The following COL13A1 variants were observed in gnomAD, a reference collection of about 807,000 sequenced individuals.
COL13A1 encodes collagen type XIII alpha 1 chain, also known as collagen alpha-1(XIII) chain.
COL13A1 carries 89 observed loss-of-function variants against 130.9 expected under a neutral mutation model. The observed-to-expected ratio is 0.68, with a 90% CI of 0.57 to 0.81. The LOEUF is 0.81. COL13A1 is among the 30% of genes least tolerant of loss of function. The probability of loss-of-function intolerance (pLI) is 0.00; values close to 1 mark genes in which losing one functional copy is unlikely to be tolerated. For synonymous variants in COL13A1, 402 were observed against 341.6 expected (o/e 1.18, Z -1.95); for missense variants, 879 against 934.6 (o/e 0.94, Z 0.78).
intron 34 of COL13A1, among the ~76,000 whole-genome samples, chr10:69,938,130 C>A (rs547427386): frequency 1.3e-5 from 2 of 152,330 alleles, no homozygotes; most frequent in South Asian, 2.1e-4. Context: ...CTTGCTCCCC[C>A]CTCTTAAGCA....
chr10:69,943,324 ACTC>A (rs2067938166), intron 35 of COL13A1, among the ~76,000 whole-genome samples: 2 of 151,850 alleles, frequency 1.3e-5, no homozygotes, highest in Non-Finnish European at 2.9e-5. Flanking sequence ...GCCCAAGTCA[ACTC>A]CTCCTGTCCT....
intron 2 of COL13A1, among the ~76,000 whole-genome samples, chr10:69,858,422 G>T (rs954905167): frequency 1.3e-5 from 2 of 152,194 alleles, no homozygotes; most frequent in Non-Finnish European, 1.5e-5. Flanking sequence ...CTTGCCCAAG[G>T]TCACACAGCT....
intron 7 of COL13A1, among the ~76,000 whole-genome samples, chr10:69,883,786 C>A (rs935853730): frequency 6.6e-6 from 1 of 152,140 alleles, no homozygotes; most frequent in Non-Finnish European, 1.5e-5. Flanking sequence ...GTTAGGCTGA[C>A]GTGGGACATG....
At chr10:69,917,232 A>G (rs1013914988) in intron 17 of COL13A1, 57 bp from the exon 18 acceptor site, 2 of 1,604,838 alleles carry the variant, frequency 1.2e-6, no homozygotes, top group Non-Finnish European at 1.7e-6. Flanking sequence ...ACATCCTTGC[A>G]GGCTGACAGG....
chr10:69,930,393 T>C lies in COL13A1; in HGVS notation c.1531-7T>C, dbSNP rs765303514. ...TGTCTAAGAAGCGTTTTTGGTATTT[T>C]CTAAAGGGACCTCGCGGTAAACCAG... On this transcript the variant is annotated splice_region_variant and splice_polypyrimidine_tract_variant and intron_variant, in intron 29 of 40. Transcript: ENST00000645393. 2.5e-6 allele frequency: 4 copies of C among 1,599,272 alleles called. No homozygotes were observed. In the African/African-American group the frequency reaches 5.4e-5, roughly 22 times the overall value.
chr10:69,895,469 C>G, intron 12 of COL13A1, 81 bp from the exon 13 acceptor site: 1 of 1,488,474 alleles, frequency 6.7e-7, no homozygotes, highest in Admixed American at 1.7e-5. Context: ...GTGGCATGTC[C>G]TGAAGTGCTG....
intron 35 of COL13A1, among the ~76,000 whole-genome samples, chr10:69,941,461 C>G (rs1229856979): frequency 2.6e-5 from 4 of 152,184 alleles, no homozygotes; most frequent in Non-Finnish European, 5.9e-5. Flanking sequence ...ACGAGGGCCT[C>G]CTAGTCTTGT....
At chr10:69,867,426 C>T (rs1180152227) in intron 2 of COL13A1, among the ~76,000 whole-genome samples, 2 of 152,184 alleles carry the variant, frequency 1.3e-5, no homozygotes, top group African/African-American at 2.4e-5. Flanking sequence ...CTGTTATTTC[C>T]GCCTTTCTCA....
intron 7 of COL13A1, among the ~76,000 whole-genome samples, chr10:69,882,175 G>C (rs2060208208): frequency 6.6e-6 from 1 of 152,214 alleles, no homozygotes; most frequent in South Asian, 2.1e-4. Context: ...AGCCCGGTGT[G>C]TTAGGAGGAC....
chr10:69,929,998 T>C (rs746872695), intron 28 of COL13A1, 45 bp from the exon 29 acceptor site: 4 of 1,578,912 alleles, frequency 2.5e-6, no homozygotes, highest in Non-Finnish European at 3.5e-6. Flanking sequence ...TGATGGCTGC[T>C]ATGTTCTCTG....
intron 19 of COL13A1, 144 bp from the exon 20 acceptor site, chr10:69,918,918 C>G (rs906543770): frequency 3.3e-6 from 3 of 916,628 alleles, no homozygotes; most frequent in Non-Finnish European, 5.2e-6. Flanking sequence ...GGACCTGATG[C>G]CTGAACAGAG....
chr10:69,816,127 G>C (rs896373773), intron 1 of COL13A1, among the ~76,000 whole-genome samples: 1 of 150,908 alleles, frequency 6.6e-6, no homozygotes, highest in Non-Finnish European at 1.5e-5. Context: ...AGAAAGGTCT[G>C]CAGGGGCACG....
intron 10 of COL13A1, among the ~76,000 whole-genome samples, chr10:69,891,617 G>A (rs1421286844): frequency 6.6e-6 from 1 of 152,198 alleles, no homozygotes; most frequent in Non-Finnish European, 1.5e-5. Flanking sequence ...ATGGAGTAGT[G>A]GAGACCGAGG....
chr10:69,943,492 G>A lies in COL13A1; in HGVS notation c.1915-633G>A, dbSNP rs182673843. Among the ~76,000 whole-genome samples, 651 of 152,272 alleles carry A rather than the reference G, an allele frequency of 4.3e-3. 1 individual carries two copies. The highest frequency in any genetic ancestry group is 8.9e-3 in the South Asian group (43 of 4,822). On this transcript the variant is annotated intron_variant, in intron 35 of 40. Transcript: ENST00000645393. ...CAATGGCTCCAGCGCCCCCAGCCCC[G>A]GGCTAGCAGAGCTCATGACACGCCT...
In COL13A1 at chr10:69,875,638, G is replaced by A. The variant is rs1029626102; in HGVS notation, c.435+475G>A. Among the ~76,000 whole-genome samples, 70 of 152,230 alleles carry A rather than the reference G, an allele frequency of 4.6e-4. 1 individual carries two copies. The highest frequency in any genetic ancestry group is 4.3e-3 in the Admixed American group (66 of 15,286). ...TGGTGAAGACAGGGCTTGGTCCCAGGTGGCACCTCCAAGTCCTCACGAGGA... is the reference window on the plus strand; with the variant it reads ...TGGTGAAGACAGGGCTTGGTCCCAGATGGCACCTCCAAGTCCTCACGAGGA... On this transcript the variant is annotated intron_variant, in intron 5 of 40. Transcript: ENST00000645393.
chr10:69,854,102 C>T (rs1855739699), intron 2 of COL13A1, among the ~76,000 whole-genome samples: 1 of 152,232 alleles, frequency 6.6e-6, no homozygotes, highest in African/African-American at 2.4e-5. Flanking sequence ...CTCCCGAGAA[C>T]CCCACATCCC....
chr10:69,957,380 C>G (rs76413977), intron 40 of COL13A1, among the ~76,000 whole-genome samples: 1 of 152,182 alleles, frequency 6.6e-6, no homozygotes, highest in Non-Finnish European at 1.5e-5. Flanking sequence ...CCTCTAAGGT[C>G]GTTTATGCCA....
chr10:69,829,147 C>A (rs1564781535), intron 2 of COL13A1: 1 of 790,802 alleles, frequency 1.3e-6, no homozygotes, highest in African/African-American at 1.9e-5. Context: ...TGAACACCAC[C>A]ATTTCCCTCA....
intron 14 of COL13A1, among the ~76,000 whole-genome samples, chr10:69,902,118 TG>T (rs1392092297): frequency 1.3e-5 from 2 of 152,216 alleles, no homozygotes; most frequent in Non-Finnish European, 2.9e-5. Context: ...CGTAGGAATG[TG>T]GGCCCAGCTC....
Sources: gnomAD v4.1 joint callset for allele counts (sites outside exome capture counted in the v4.1 genomes callset) on GRCh38, gnomAD v4.1.1 for gene constraint, MANE v1.5 for transcripts, NCBI Gene and HGNC (gene_info 2026-07-23, HGNC 2026-07-21) for gene names.